The following RHBDD1 variants were observed in gnomAD, a reference collection of about 807,000 sequenced individuals.
RHBDD1 encodes rhomboid-related protein 4.
A neutral mutation model predicts 36.3 loss-of-function variants in RHBDD1; 38 were observed. The ratio of observed to expected loss-of-function variants is 1.05; its 90% CI spans 0.81 to 1.37. The LOEUF is 1.37. Among genes scored for constraint, RHBDD1 ranks in the 40% most tolerant of loss-of-function variants. The pLI, the probability that RHBDD1 is intolerant of heterozygous loss-of-function variation, is 0.00. For synonymous variants in RHBDD1, 151 were observed against 136.5 expected (o/e 1.11, Z -0.74); for missense variants, 393 against 377.6 (o/e 1.04, Z -0.34).
At chr2:226,910,247 A>G (rs1948425942) in intron 7 of RHBDD1, among the ~76,000 whole-genome samples, 1 of 152,354 alleles carries the variant, frequency 6.6e-6, no homozygotes, top group Non-Finnish European at 1.5e-5. Flanking sequence ...GAAGAAGCAC[A>G]GTCACACAGA....
chr2:226,996,658 A>C lies in RHBDD1; in HGVS notation c.*1136A>C, dbSNP rs1346678203. ...CATAATAGATATGCCTTCCAGATGCATAAGGCAAACATCTGGAAAGAAATA... is the reference window on the plus strand; with the variant it reads ...CATAATAGATATGCCTTCCAGATGCCTAAGGCAAACATCTGGAAAGAAATA... On this transcript the variant is annotated 3_prime_UTR_variant, in exon 9 of 9. Transcript: ENST00000392062. The C allele has an allele frequency of 6.6e-6, 1 of 152,256 alleles. No individual in the cohort carries two copies. Among genetic ancestry groups the C allele is most frequent in the African/African-American group, 2.4e-5 (1 of 41,476 alleles). 9.4% of individuals were successfully genotyped at this position (152,256 alleles called of 1,614,324 possible).
At chr2:226,802,373 G>A in the RHBDD1 span, among the ~76,000 whole-genome samples, 1 of 152,094 alleles carries the variant, frequency 6.6e-6, no homozygotes, top group African/African-American at 2.4e-5. Flanking sequence ...TCTACTTGCT[G>A]ATGTTTTACT....
rs933477271 is a variant in RHBDD1 at position 226,869,189 on chromosome 2, A to G, written c.566+1871A>G. 4.1e-6 allele frequency: 4 copies of G among 985,138 alleles called. No homozygotes were observed. The African/African-American group carries it at 7.0e-5, about 17-fold the overall frequency. 61.0% of individuals were successfully genotyped at this position (985,138 alleles called of 1,614,324 possible). A position where few individuals can be genotyped will look rare whatever the true frequency, so the allele number is the denominator to read the frequency against. ...AAAGGGATGGTTGCATTTCTGTGTC[A>G]TATGCATATTCTTTGTGGAGGCACC... On this transcript the variant is annotated intron_variant, in intron 5 of 8. Transcript: ENST00000392062.
intron 8 of RHBDD1, among the ~76,000 whole-genome samples, chr2:226,977,683 A>G (rs1337993785): frequency 1.3e-5 from 2 of 152,200 alleles, no homozygotes; most frequent in Non-Finnish European, 2.9e-5. Context: ...GATACACCCC[A>G]AATTATATAA....
chr2:226,828,518 C>T, the RHBDD1 span, among the ~76,000 whole-genome samples: 2 of 152,124 alleles, frequency 1.3e-5, no homozygotes, highest in Admixed American at 1.3e-4. Context: ...GTGGCCACAC[C>T]ACTTTATAAT....
Position 226,995,511 on chromosome 2 carries a change from G to T in RHBDD1, c.937G>T (p.Asp313Tyr), listed in dbSNP as rs375861610. 4.3e-6 allele frequency: 7 copies of T among 1,609,202 alleles called. No individual in the cohort carries two copies. The highest frequency in any genetic ancestry group is 3.3e-5 in the South Asian group (3 of 90,178). ...EMRRQRLHRFDSQ is the reference protein window; with the variant it reads ...EMRRQRLHRFYSQ ...GAGGAGACAGCGGCTTCACAGATTC[G>T]ATAGCCAGTGAGGTGGCATCTTGGG... Residue 313 changes from aspartate (D) to tyrosine (Y), a missense_variant, in exon 9 of 9, where the codon GAT becomes TAT. Coordinates refer to ENST00000392062, the MANE Select transcript of RHBDD1 (RefSeq NM_001167608.3).
At chr2:226,845,396 A>G (rs1039722423) in intron 3 of RHBDD1, among the ~76,000 whole-genome samples, 2 of 152,220 alleles carry the variant, frequency 1.3e-5, no homozygotes, top group Admixed American at 6.5e-5. Context: ...ATCTTTTACA[A>G]GTGAAACTCT....
intron 5 of RHBDD1, among the ~76,000 whole-genome samples, chr2:226,877,218 C>T (rs1013941242): frequency 6.6e-6 from 1 of 152,176 alleles, no homozygotes; most frequent in African/African-American, 2.4e-5. Flanking sequence ...ATCTGTTGAT[C>T]TGTCTTGAAG....
chr2:226,911,422 A>C (rs1166655759), intron 7 of RHBDD1, among the ~76,000 whole-genome samples: 2 of 152,012 alleles, frequency 1.3e-5, no homozygotes, highest in African/African-American at 2.4e-5. Context: ...ATCCCATGCT[A>C]TTCAGTGACG....
chr2:226,960,888 T>A (rs1952147337), intron 8 of RHBDD1, among the ~76,000 whole-genome samples: 3 of 152,202 alleles, frequency 2.0e-5, no homozygotes, highest in African/African-American at 7.2e-5. Context: ...AACAAAAAAA[T>A]TCTCCTTTTG....
chr2:226,889,358 T>C (rs1946495663), intron 5 of RHBDD1, among the ~76,000 whole-genome samples: 1 of 152,212 alleles, frequency 6.6e-6, no homozygotes, highest in Admixed American at 6.5e-5. Flanking sequence ...GGTCCCCCTT[T>C]GATCAGGGTT....
At chr2:226,871,759 G>T (rs1944815766) in intron 5 of RHBDD1, among the ~76,000 whole-genome samples, 1 of 152,136 alleles carries the variant, frequency 6.6e-6, no homozygotes, top group Admixed American at 6.5e-5. Context: ...AGATTAAACT[G>T]GCTCTTTTTT....
chr2:226,908,880 TA>T lies in RHBDD1; in HGVS notation c.712+3del. The T allele has an allele frequency of 6.4e-7, 1 of 1,567,234 alleles. No individual in the cohort carries two copies. Among genetic ancestry groups the T allele is most frequent in the Non-Finnish European group, 8.8e-7 (1 of 1,138,160 alleles). On this transcript the variant is annotated splice_donor_region_variant and intron_variant, in intron 7 of 8. Transcript: ENST00000392062. The stretch of plus-strand genomic sequence containing the variant: ...GGCAATACTACTTTAATAGTTCAGG[TA>T]GGCACTGTATTTCATTTAATAAATT...
At chr2:226,970,086 G>A (rs1559323936) in intron 8 of RHBDD1, among the ~76,000 whole-genome samples, 1 of 144,756 alleles carries the variant, frequency 6.9e-6, no homozygotes, top group Admixed American at 7.5e-5. Context: ...TTAAATGGTT[G>A]TCCATGAAGA....
intron 5 of RHBDD1, among the ~76,000 whole-genome samples, chr2:226,892,091 A>G (rs1559238464): frequency 1.3e-5 from 2 of 152,184 alleles, no homozygotes; most frequent in South Asian, 4.1e-4. Context: ...TTTGTTCACA[A>G]ATGTTCAGCC....
At chr2:226,921,158 A>C (rs1358919814) in intron 8 of RHBDD1, among the ~76,000 whole-genome samples, 5 of 152,176 alleles carry the variant, frequency 3.3e-5, no homozygotes, top group African/African-American at 1.2e-4. Context: ...AGTTGCTCAT[A>C]GTAGCCTTTA....
chr2:226,904,438 C>A (rs923238724), intron 5 of RHBDD1, among the ~76,000 whole-genome samples: 1 of 139,604 alleles, frequency 7.2e-6, no homozygotes, highest in Non-Finnish European at 1.5e-5. Context: ...GGTCAGGGAA[C>A]TCCTGTTTCA....
At chr2:226,870,119 G>A (rs368474321) in intron 5 of RHBDD1, among the ~76,000 whole-genome samples, 19 of 152,152 alleles carry the variant, frequency 1.2e-4, no homozygotes, top group Admixed American at 3.9e-4. Flanking sequence ...AGAGGAGAGC[G>A]GTTGAATGTG....
At chr2:226,990,958 AAAG>A in intron 8 of RHBDD1, among the ~76,000 whole-genome samples, 1 of 152,180 alleles carries the variant, frequency 6.6e-6, no homozygotes, top group Non-Finnish European at 1.5e-5. Flanking sequence ...TAAGCAGAGA[AAAG>A]AAGATCTTGG....
Sources: gnomAD v4.1 joint callset for allele counts (sites outside exome capture counted in the v4.1 genomes callset) on GRCh38, gnomAD v4.1.1 for gene constraint, MANE v1.5 for transcripts, NCBI Gene and HGNC (gene_info 2026-07-23, HGNC 2026-07-21) for gene names.